The following VTI1B variants were observed in gnomAD, a reference collection of about 807,000 sequenced individuals.
The protein encoded by VTI1B is vesicle transport through interaction with t-SNAREs 1B.
A neutral mutation model predicts 28.6 loss-of-function variants in VTI1B; 18 were observed. The ratio of observed to expected loss-of-function variants is 0.63; its 90% CI spans 0.43 to 0.93. The LOEUF (loss-of-function observed/expected upper bound fraction) is 0.93. Ranked by LOEUF, VTI1B falls within the 40% of genes least tolerant of loss-of-function variation. VTI1B has a pLI of 0.00. For missense variants in VTI1B, 283 were observed against 297.0 expected (o/e 0.95, Z 0.35); for synonymous variants, 100 against 107.9 (o/e 0.93, Z 0.46).
At chr14:67,664,582 C>T (rs1383712089) in intron 1 of VTI1B, among the ~76,000 whole-genome samples, 1 of 151,846 alleles carries the variant, frequency 6.6e-6, no homozygotes, top group African/African-American at 2.4e-5. Context: ...CTGCAACCTC[C>T]ACCTCCCAGG....
Position 67,653,503 on chromosome 14 carries a change from G to C in VTI1B, c.541-5C>G. On this transcript the variant is annotated splice_region_variant and splice_polypyrimidine_tract_variant and intron_variant, in intron 4 of 5. Transcript: ENST00000554659. ...GTTTTCACTTGTGTTTACCAGCTGA[G>C]AAGAGAAAATAGTGATTATTTCCCT... is the stretch of plus-strand genomic sequence containing the variant. 6.2e-7 allele frequency: 1 copy of C among 1,612,892 alleles called. No homozygotes were observed. Among genetic ancestry groups the C allele is most frequent in the Non-Finnish European group, 8.5e-7 (1 of 1,178,956 alleles).
intron 1 of VTI1B, among the ~76,000 whole-genome samples, chr14:67,666,138 G>A (rs1216028898): frequency 6.6e-6 from 1 of 152,230 alleles, no homozygotes; most frequent in African/African-American, 2.4e-5. Flanking sequence ...AAGCCAGACA[G>A]TAAGAAGCAG....
intron 3 of VTI1B, among the ~76,000 whole-genome samples, chr14:67,657,598 G>GCACACACA (rs544102029): frequency 3.7e-4 from 42 of 112,424 alleles, no homozygotes; most frequent in East Asian, 9.7e-4. Flanking sequence ...GCGCGCGCGT[G>GCACACACA]CACACACACA....
At chr14:67,661,716 G>C (rs2037337831) in intron 2 of VTI1B, among the ~76,000 whole-genome samples, 1 of 147,404 alleles carries the variant, frequency 6.8e-6, no homozygotes, top group African/African-American at 2.5e-5. Flanking sequence ...TTGTTTGGTA[G>C]AGATGGGGGG....
chr14:67,662,582 A>AT, intron 1 of VTI1B, 47 bp from the exon 2 acceptor site: 1 of 1,529,402 alleles, frequency 6.5e-7, no homozygotes, highest in Non-Finnish European at 9.0e-7. Flanking sequence ...GTTTCCACAC[A>AT]TTTGTAAAGG....
intron 5 of VTI1B, chr14:67,651,751 A>AAAT (rs1217136087): frequency 1.0e-5 from 3 of 286,048 alleles, no homozygotes; most frequent in Non-Finnish European, 2.0e-5. Flanking sequence ...CTTCCTTTAA[A>AAAT]AATAGCTTTT....
rs561382514 is a variant in VTI1B at position 67,671,354 on chromosome 14, C to T, written c.115+3021G>A. On this transcript the variant is annotated intron_variant, in intron 1 of 5. Coordinates refer to ENST00000554659, the MANE Select transcript of VTI1B (RefSeq NM_006370.3). Reference sequence around the variant, plus strand: ...CAGCCTGGCCAACATGGTGAAACCCCGTGTCTACTAAAAATACAAAAATTG... The same window carrying T: ...CAGCCTGGCCAACATGGTGAAACCCTGTGTCTACTAAAAATACAAAAATTG... Among the ~76,000 whole-genome samples the T allele has an allele frequency of 1.4e-4, 21 of 152,018 alleles. No homozygotes were observed. In the South Asian group the frequency reaches 4.0e-3, roughly 29 times the overall value.
intron 1 of VTI1B, 124 bp from the exon 2 acceptor site, chr14:67,662,659 A>G (rs770434820): frequency 9.1e-6 from 8 of 877,654 alleles, no homozygotes; most frequent in Non-Finnish European, 1.3e-5. Context: ...TAATCCCAGC[A>G]CTTTGGGAGG....
chr14:67,660,054 G>C, intron 2 of VTI1B, 132 bp from the exon 3 acceptor site: 2 of 919,254 alleles, frequency 2.2e-6, no homozygotes, highest in Non-Finnish European at 3.2e-6. Flanking sequence ...TGCTCCATGA[G>C]GCAGGGACCA....
At position 67,647,940 on chromosome 14, in the gene VTI1B, G is replaced by T; in HGVS notation, c.*3445C>A. ...AACAGCTTTATTAACAAAGTACTAG[G>T]ACTAATAGCAACAAAATCAAGGAGT... On this transcript the variant is annotated 3_prime_UTR_variant, in exon 6 of 6. Transcript: ENST00000554659. 1 of 1,097,232 alleles carries T rather than the reference G, an allele frequency of 9.1e-7. No homozygotes were observed. The highest frequency in any genetic ancestry group is 1.3e-6 in the Non-Finnish European group (1 of 764,682). 68.0% of individuals were successfully genotyped at this position (1,097,232 alleles called of 1,614,324 possible). A position where few individuals can be genotyped will look rare whatever the true frequency, so the allele number is the denominator to read the frequency against.
At chr14:67,674,276 G>A (rs1015897306) in intron 1 of VTI1B, 99 bp downstream of exon 1, 6 of 1,134,916 alleles carry the variant, frequency 5.3e-6, no homozygotes, top group African/African-American at 1.6e-5. Context: ...GACGCGGAGG[G>A]AGGAGACGCG....
intron 5 of VTI1B, chr14:67,651,737 G>T: frequency 3.2e-6 from 1 of 313,018 alleles, no homozygotes. Context: ...TCAAATAGTA[G>T]TTACTTCCTT....
At chr14:67,664,817 T>C (rs2037380600) in intron 1 of VTI1B, among the ~76,000 whole-genome samples, 1 of 152,202 alleles carries the variant, frequency 6.6e-6, no homozygotes, top group African/African-American at 2.4e-5. Flanking sequence ...GGGTATTCAG[T>C]TGCTGTCCTG....
rs1005360128 is a variant in VTI1B at position 67,648,033 on chromosome 14, C to T, written c.*3352G>A. On this transcript the variant is annotated 3_prime_UTR_variant, in exon 6 of 6. Coordinates refer to ENST00000554659, the MANE Select transcript of VTI1B (RefSeq NM_006370.3). ...GTATTATTTTAAGTATTATTTTATC[C>T]TCTTCCTTTTTAGGAGACAAAGACC... 1.9e-6 allele frequency: 3 copies of T among 1,594,214 alleles called. No individual in the cohort carries two copies. Among genetic ancestry groups the T allele is most frequent in the Non-Finnish European group, 2.6e-6 (3 of 1,168,804 alleles).
chr14:67,648,752 T>C lies in VTI1B; in HGVS notation c.*2633A>G, dbSNP rs566424339. 1 of 152,352 alleles carries C rather than the reference T, an allele frequency of 6.6e-6. No individual in the cohort carries two copies. The highest frequency in any genetic ancestry group is 6.5e-5 in the Admixed American group (1 of 15,294). The allele number at this position is 152,352 out of a possible 1,614,324, so 9.4% of individuals were successfully genotyped here. Reference sequence around the variant, plus strand: ...CTACGTTATCAAGACTGGCTACTTTTCCAAAACTCATACTTGTTTGCAAAC... The same window carrying C: ...CTACGTTATCAAGACTGGCTACTTTCCCAAAACTCATACTTGTTTGCAAAC... On this transcript the variant is annotated 3_prime_UTR_variant, in exon 6 of 6. Transcript: ENST00000554659.
chr14:67,665,148 C>T (rs905151263), intron 1 of VTI1B, among the ~76,000 whole-genome samples: 3 of 152,136 alleles, frequency 2.0e-5, no homozygotes, highest in Non-Finnish European at 2.9e-5. Flanking sequence ...CTAGTGCACC[C>T]GGCCAAGCCC....
intron 4 of VTI1B, among the ~76,000 whole-genome samples, chr14:67,655,110 T>C (rs1045186647): frequency 5.0e-5 from 7 of 139,520 alleles, no homozygotes; most frequent in African/African-American, 1.9e-4. Context: ...GAGGCCAAGG[T>C]GGAATGATTG....
At position 67,674,435 on chromosome 14, in the gene VTI1B, G is replaced by A. The variant is rs758765225; in HGVS notation, c.55C>T (p.Arg19Cys). Residue 19 changes from arginine to cysteine, a missense_variant, in exon 1 of 6, where the codon CGC becomes TGC. Transcript: ENST00000554659. ...EHFEKLHEIFRGLHEDLQGVP... is the reference protein window; with the variant it reads ...EHFEKLHEIFCGLHEDLQGVP... ...CCTTGTAGGTCTTCATGGAGGCCGC[G>A]GAAGATCTCGTGCAGCTTCTCGAAA... 2 of 1,609,448 alleles carry A rather than the reference G, an allele frequency of 1.2e-6. No homozygotes were observed. The highest frequency in any genetic ancestry group is 1.3e-5 in the African/African-American group (1 of 74,780).
chr14:67,662,008 C>T (rs1014230317), intron 2 of VTI1B, among the ~76,000 whole-genome samples: 1 of 151,906 alleles, frequency 6.6e-6, no homozygotes, highest in African/African-American at 2.4e-5. Context: ...TACAAAAAAA[C>T]AGCCAGGTGT....
Sources: gnomAD v4.1 joint callset for allele counts (sites outside exome capture counted in the v4.1 genomes callset) on GRCh38, gnomAD v4.1.1 for gene constraint, MANE v1.5 for transcripts, NCBI Gene and HGNC (gene_info 2026-07-23, HGNC 2026-07-21) for gene names.